Variants in TRPV1 observed in about 807,000 individuals in gnomAD.
TRPV1 encodes transient receptor potential cation channel subfamily V member 1.
A neutral mutation model predicts 82.3 loss-of-function variants in TRPV1; 82 were observed. That is an observed-to-expected ratio of 1.00 (90% confidence interval 0.83 to 1.20). The LOEUF (loss-of-function observed/expected upper bound fraction) is 1.20, where lower values mean the gene tolerates loss of function less well. TRPV1 is among the 50% of genes most tolerant of loss of function. The pLI is 0.00. For synonymous variants in TRPV1, 515 were observed against 467.7 expected (o/e 1.10, Z -1.30); for missense variants, 1,067 against 1,096.8 (o/e 0.97, Z 0.38).
chr17:3,600,463 C>T (rs1186198463), intron 2 of TRPV1, among the ~76,000 whole-genome samples: 1 of 152,126 alleles, frequency 6.6e-6, no homozygotes, highest in Admixed American at 6.5e-5. Context: ...GTGGTGCACG[C>T]CTGTAGTCCC....
chr17:3,583,408 GT>G lies in TRPV1; in HGVS notation c.1405del (p.Thr469LeufsTer15). The G allele has an allele frequency of 6.2e-7, 1 of 1,605,590 alleles. No homozygotes were observed. Among genetic ancestry groups the G allele is most frequent in the Non-Finnish European group, 8.5e-7 (1 of 1,175,844 alleles). ...TCCAGTAACTCGGAAATAGTCTCCAGTTTTTTCCATCTTAAAGGGAGGCTGT... is the reference window on the plus strand; with the variant it reads ...TCCAGTAACTCGGAAATAGTCTCCAGTTTTTCCATCTTAAAGGGAGGCTGT... The part of the protein sequence containing the change: ...DGLPPFKMEK[T>X]GDYFRVTGEI... On this transcript the variant is annotated frameshift_variant, in exon 10 of 17. Coordinates refer to ENST00000572705, the MANE Select transcript of TRPV1 (RefSeq NM_080704.4). LOFTEE classifies it high-confidence loss of function.
intron 13 of TRPV1, among the ~76,000 whole-genome samples, chr17:3,576,668 A>AAAAAAAAAAAAAAAAAT: frequency 5.2e-5 from 2 of 38,422 alleles, no homozygotes; most frequent in African/African-American, 7.3e-5. Flanking sequence ...AAAAAAAAAA[A>AAAAAAAAAAAAAAAAAT]ATATATATAT....
chr17:3,572,238 G>A lies in TRPV1; in HGVS notation c.2115C>T (p.Thr705=), dbSNP rs1434638474. 1.2e-6 allele frequency: 2 copies of A among 1,609,234 alleles called. No homozygotes were observed. Among genetic ancestry groups the A allele is most frequent in the African/African-American group, 2.7e-5 (2 of 75,000 alleles). ...KNIWKLQRAI[T]ILDTEKSFLK... ...GGAAGCTCTTCTCCGTGTCCAGGAT[G>A]GTGATGGCTCTCTGCAGGAAGACAC... Residue 705 remains threonine, a synonymous_variant, in exon 15 of 17, where the codon ACC becomes ACT. Coordinates refer to ENST00000572705, the MANE Select transcript of TRPV1 (RefSeq NM_080704.4).
At chr17:3,582,759 A>T (rs1296145628) in intron 10 of TRPV1, among the ~76,000 whole-genome samples, 1 of 151,998 alleles carries the variant, frequency 6.6e-6, no homozygotes, top group African/African-American at 2.4e-5. Context: ...GGAGTTCGAG[A>T]CCAGCCTGGC....
intron 2 of TRPV1, chr17:3,592,807 T>G (rs1198954410): frequency 5.7e-6 from 1 of 174,710 alleles, no homozygotes; most frequent in African/African-American, 2.4e-5. Context: ...TCAGGGAGGA[T>G]CTCGGTGATG....
At chr17:3,602,154 C>T (rs2075267878) in intron 2 of TRPV1, 1 of 152,294 alleles carries the variant, frequency 6.6e-6, no homozygotes, top group East Asian at 1.9e-4. Flanking sequence ...ACACACCTGC[C>T]GAAGGACAGT....
intron 3 of TRPV1, 145 bp from the exon 4 acceptor site, chr17:3,591,498 G>T (rs2075157483): frequency 2.1e-6 from 2 of 958,022 alleles, no homozygotes; most frequent in South Asian, 3.6e-5. Flanking sequence ...CAGTCTAGGT[G>T]ACTGTCCAGA....
intron 2 of TRPV1, among the ~76,000 whole-genome samples, chr17:3,601,045 A>G (rs2075258608): frequency 1.3e-5 from 2 of 151,570 alleles, no homozygotes; most frequent in South Asian, 4.2e-4. Flanking sequence ...ATAACCCACA[A>G]TGGGCTCCTG....
At position 3,591,028 on chromosome 17, in the gene TRPV1, G is replaced by A. The variant is rs766788776; in HGVS notation, c.540C>T (p.Ile180=). ...QNTTIPLLLE[I]ARQTDSLKEL... is the part of the protein sequence containing the mutation. ...CCTTCAGGCTGTCCGTTTGCCGCGC[G>A]ATCTCCAGGAGCAGGGGGATGGTGG... is the stretch of plus-strand genomic sequence containing the variant. Residue 180 remains isoleucine, a synonymous_variant, in exon 5 of 17, where the codon ATC becomes ATT. Coordinates refer to ENST00000572705, the MANE Select transcript of TRPV1 (RefSeq NM_080704.4). 18 of 1,612,194 alleles carry A rather than the reference G, an allele frequency of 1.1e-5. No individual in the cohort carries two copies. In the South Asian group the frequency reaches 1.5e-4, roughly 14 times the overall value.
intron 8 of TRPV1, 134 bp from the exon 9 acceptor site, chr17:3,586,060 T>G (rs1451007284): frequency 5.2e-6 from 6 of 1,159,480 alleles, no homozygotes; most frequent in Non-Finnish European, 7.3e-6. Flanking sequence ...AGATGGGAGG[T>G]CTGAGCCAGC....
Position 3,571,751 on chromosome 17 carries a change from G to A in TRPV1, c.2232-112C>T, listed in dbSNP as rs55873829. ...CCACCCATCAGGATGGAGATGTGGT[G>A]GGTCGGGGAGGGCAGAGAGGACTTG... On this transcript the variant is annotated intron_variant, in intron 15 of 16. Coordinates refer to ENST00000572705, the MANE Select transcript of TRPV1 (RefSeq NM_080704.4). 9.2e-4 allele frequency: 734 copies of A among 796,096 alleles called. 1 individual carries two copies. Among genetic ancestry groups the A allele is most frequent in the East Asian group, 5.2e-3 (192 of 37,014 alleles). 49.3% of individuals were successfully genotyped at this position (796,096 alleles called of 1,614,324 possible).
At chr17:3,607,560 A>C (rs1032332754) in intron 2 of TRPV1, among the ~76,000 whole-genome samples, 12 of 147,818 alleles carry the variant, frequency 8.1e-5, no homozygotes, top group African/African-American at 3.0e-4. Flanking sequence ...TTTTTGAGGC[A>C]GAGTCTCGCT....
intron 9 of TRPV1, among the ~76,000 whole-genome samples, chr17:3,584,713 T>C (rs781010540): frequency 6.6e-6 from 1 of 150,590 alleles, no homozygotes; most frequent in Non-Finnish European, 1.5e-5. Flanking sequence ...GAAGAGTCAC[T>C]TGAACCCGGG....
In TRPV1 at chr17:3,592,395, A is replaced by T; in HGVS notation, c.-33-12T>A. ...GCCCAGTGTGCAACCTGCAGCAGCC[A>T]CCACGCCGGGGTTGACTCCCAAAGT... is the stretch of plus-strand genomic sequence containing the variant. On this transcript the variant is annotated splice_polypyrimidine_tract_variant and intron_variant, in intron 2 of 16. Coordinates refer to ENST00000572705, the MANE Select transcript of TRPV1 (RefSeq NM_080704.4). The T allele has an allele frequency of 6.5e-7, 1 of 1,541,488 alleles. No individual in the cohort carries two copies. The highest frequency in any genetic ancestry group is 8.7e-7 in the Non-Finnish European group (1 of 1,143,760).
At position 3,583,329 on chromosome 17, in the gene TRPV1, A is replaced by G; in HGVS notation, c.1476+9T>C. 6.2e-7 allele frequency: 1 copy of G among 1,602,066 alleles called. No individual in the cohort carries two copies. Reference sequence around the variant, plus strand: ...AATGGAAACTCACAATGTGGGAAGGAACGCTTACCCCTCGGAAAAAGAAGT... The same window carrying G: ...AATGGAAACTCACAATGTGGGAAGGGACGCTTACCCCTCGGAAAAAGAAGT... On this transcript the variant is annotated intron_variant, in intron 10 of 16. Coordinates refer to ENST00000572705, the MANE Select transcript of TRPV1 (RefSeq NM_080704.4).
intron 7 of TRPV1, 89 bp downstream of exon 7, chr17:3,589,718 C>G: frequency 2.8e-6 from 4 of 1,446,856 alleles, no homozygotes; most frequent in Non-Finnish European, 3.7e-6. Flanking sequence ...ACACAGATAG[C>G]GACGCCAGGC....
chr17:3,584,416 ATAAAAT>A (rs199982645), intron 9 of TRPV1, among the ~76,000 whole-genome samples: 1,636 of 72,170 alleles, frequency 0.023, 397 homozygotes, highest in Middle Eastern at 0.1. Flanking sequence ...AAAAAAAAAA[ATAAAAT>A]AAAAAAAAAA....
intron 8 of TRPV1, among the ~76,000 whole-genome samples, chr17:3,586,614 T>C (rs1223363643): frequency 6.6e-6 from 1 of 151,870 alleles, no homozygotes; most frequent in Non-Finnish European, 1.5e-5. Context: ...TCTACAAAAA[T>C]ACAAAAATTA....
chr17:3,591,294 C>T lies in TRPV1; in HGVS notation c.344G>A (p.Arg115His), dbSNP rs745447347. 3.5e-5 allele frequency: 56 copies of T among 1,612,414 alleles called. No individual in the cohort carries two copies. Among genetic ancestry groups the T allele is most frequent in the Non-Finnish European group, 4.5e-5 (53 of 1,179,558 alleles). Residue 115 changes from arginine to histidine, a missense_variant, in exon 4 of 17, where the codon CGC becomes CAC. Arg to His is a conservative substitution (Grantham distance 29, BLOSUM62 0). Transcript: ENST00000572705. ...AGCAACGGCTTCAAAGATACTCCTG[C>T]GATCATAGAGCCTGAGGGTCTTCTC... ...STEKTLRLYD[R>H]RSIFEAVAQN...
Sources: gnomAD v4.1 joint callset for allele counts (sites outside exome capture counted in the v4.1 genomes callset) on GRCh38, gnomAD v4.1.1 for gene constraint, MANE v1.5 for transcripts, NCBI Gene and HGNC (gene_info 2026-07-23, HGNC 2026-07-21) for gene names.